The following HHAT variants were observed in gnomAD, a reference collection of about 807,000 sequenced individuals.
The protein encoded by HHAT is protein-cysteine N-palmitoyltransferase HHAT.
In HHAT, 47 loss-of-function variants were observed where a neutral mutation model predicts 70.8. The ratio of observed to expected loss-of-function variants is 0.66; its 90% CI spans 0.53 to 0.85. The LOEUF (loss-of-function observed/expected upper bound fraction) is 0.85. Among genes scored for constraint, HHAT ranks in the 40% least tolerant of loss-of-function variants. The pLI is 0.00. For synonymous variants in HHAT, 228 were observed against 247.6 expected (o/e 0.92, Z 0.74); for missense variants, 609 against 604.8 (o/e 1.01, Z -0.07).
intron 4 of HHAT, 133 bp downstream of exon 4, chr1:210,387,714 A>C (rs2091189514): frequency 1.2e-5 from 8 of 645,572 alleles, no homozygotes. Context: ...AGTTGTTAAC[A>C]ATCAATATAA....
intron 9 of HHAT, among the ~76,000 whole-genome samples, chr1:210,515,757 CAAAAAAA>C (rs34971563): frequency 2.5e-5 from 2 of 80,316 alleles, no homozygotes; most frequent in Non-Finnish European, 4.7e-5. Context: ...GACTCCGTCT[CAAAAAAA>C]AAAAAAAAAA....
chr1:210,650,294 A>T (rs1189096039), intron 11 of HHAT, among the ~76,000 whole-genome samples: 1 of 152,230 alleles, frequency 6.6e-6, no homozygotes, highest in South Asian at 2.1e-4. Flanking sequence ...GTTGGTTTAC[A>T]GAGCTAACAA....
At chr1:210,425,646 G>C (rs576261002) in intron 7 of HHAT, among the ~76,000 whole-genome samples, 1 of 152,174 alleles carries the variant, frequency 6.6e-6, no homozygotes, top group Admixed American at 6.5e-5. Flanking sequence ...AGTTCATATA[G>C]TTGTACATGT....
chr1:210,608,708 A>G (rs1666000958), intron 10 of HHAT, among the ~76,000 whole-genome samples: 1 of 152,294 alleles, frequency 6.6e-6, no homozygotes, highest in African/African-American at 2.4e-5. Context: ...GAGACAGGGT[A>G]ATTTATGAAG....
intron 3 of HHAT, among the ~76,000 whole-genome samples, chr1:210,373,278 G>A (rs897586586): frequency 6.6e-5 from 10 of 152,116 alleles, no homozygotes; most frequent in African/African-American, 1.4e-4. Context: ...GAATAGTGGC[G>A]GGATCTGAAA....
intron 11 of HHAT, among the ~76,000 whole-genome samples, chr1:210,642,374 A>G (rs1033553376): frequency 3.3e-5 from 5 of 152,196 alleles, no homozygotes; most frequent in Admixed American, 2.6e-4. Context: ...TGTTGAGTAT[A>G]TACTCAGGAA....
chr1:210,475,410 T>C (rs561192483), intron 8 of HHAT, among the ~76,000 whole-genome samples: 2 of 152,316 alleles, frequency 1.3e-5, no homozygotes, highest in Non-Finnish European at 1.5e-5. Flanking sequence ...TATTGTGATA[T>C]GATCACCCTG....
At chr1:210,345,932 T>G (rs1452975534) in intron 1 of HHAT, among the ~76,000 whole-genome samples, 1 of 151,188 alleles carries the variant, frequency 6.6e-6, no homozygotes, top group East Asian at 1.9e-4. Flanking sequence ...GGCATTGTGG[T>G]GCATGCCTGT....
At position 210,429,786 on chromosome 1, in the gene HHAT, G is replaced by A. The variant is rs562759249; in HGVS notation, c.856+11461G>A. On this transcript the variant is annotated intron_variant, in intron 7 of 11. Coordinates refer to ENST00000261458, the MANE Select transcript of HHAT (RefSeq NM_018194.6). ...TTGCAATTAGCAAGCAACATGTGAGGTGTTAATTCAGTGCTATCTGAATAT... is the reference window on the plus strand; with the variant it reads ...TTGCAATTAGCAAGCAACATGTGAGATGTTAATTCAGTGCTATCTGAATAT... 5.9e-5 allele frequency among the ~76,000 whole-genome samples: 9 copies of A among 151,856 alleles called. 1 individual carries two copies. Among genetic ancestry groups the A allele is most frequent in the East Asian group, 1.9e-4 (1 of 5,182 alleles).
intron 9 of HHAT, among the ~76,000 whole-genome samples, chr1:210,554,371 A>C (rs2095554417): frequency 6.6e-6 from 1 of 152,084 alleles, no homozygotes; most frequent in Non-Finnish European, 1.5e-5. Flanking sequence ...TTGAAGATGA[A>C]CTTTGGTGGG....
chr1:210,616,529 C>T (rs752165831), intron 10 of HHAT, among the ~76,000 whole-genome samples: 4 of 152,250 alleles, frequency 2.6e-5, no homozygotes, highest in East Asian at 1.9e-4. Context: ...CATTTGAAAT[C>T]GACAGTTGGT....
At chr1:210,513,512 C>CG (rs1299581864) in intron 9 of HHAT, among the ~76,000 whole-genome samples, 1 of 152,182 alleles carries the variant, frequency 6.6e-6, no homozygotes, top group African/African-American at 2.4e-5. Flanking sequence ...AAACAACCCC[C>CG]TTAACCAATT....
At chr1:210,544,875 T>C (rs893069471) in intron 9 of HHAT, among the ~76,000 whole-genome samples, 13 of 152,326 alleles carry the variant, frequency 8.5e-5, no homozygotes, top group African/African-American at 3.1e-4. Flanking sequence ...GCAGGAGTTA[T>C]CTCTGATACC....
At chr1:210,610,408 C>A in intron 10 of HHAT, among the ~76,000 whole-genome samples, 1 of 152,134 alleles carries the variant, frequency 6.6e-6, no homozygotes. Context: ...CTTATAGATG[C>A]TGGATAGTAG....
intron 6 of HHAT, among the ~76,000 whole-genome samples, chr1:210,409,373 A>G (rs1311167591): frequency 4.6e-5 from 7 of 152,126 alleles, no homozygotes; most frequent in Non-Finnish European, 1.0e-4. Flanking sequence ...CTGGAGGCTC[A>G]AGCAGGCTGA....
intron 8 of HHAT, 26 bp downstream of exon 8, chr1:210,464,681 G>A (rs761506283): frequency 5.0e-6 from 8 of 1,613,526 alleles, no homozygotes; most frequent in East Asian, 4.5e-5. Flanking sequence ...TGCTAAAGTT[G>A]GTCAGGCATG....
At chr1:210,509,621 A>G (rs939300794) in intron 8 of HHAT, among the ~76,000 whole-genome samples, 5 of 152,106 alleles carry the variant, frequency 3.3e-5, no homozygotes, top group African/African-American at 1.2e-4. Flanking sequence ...TGTGTGTAGA[A>G]TGGATGAGTG....
At chr1:210,455,103 G>C (rs2093835348) in intron 7 of HHAT, among the ~76,000 whole-genome samples, 1 of 152,150 alleles carries the variant, frequency 6.6e-6, no homozygotes, top group African/African-American at 2.4e-5. Context: ...AGCTCTTTCT[G>C]GGGCTGACTC....
At position 210,386,230 on chromosome 1, in the gene HHAT, C is replaced by CTTTTTTTTTTTTTTTTTTTT. The variant is rs869305965; in HGVS notation, c.160-1231_160-1212dup. Among the ~76,000 whole-genome samples the CTTTTTTTTTTTTTTTTTTTT allele has an allele frequency of 5.7e-4, 40 of 69,920 alleles. 2 individuals are homozygous for CTTTTTTTTTTTTTTTTTTTT. The highest frequency in any genetic ancestry group is 2.1e-3 in the African/African-American group (33 of 16,042). The allele number at this position is 69,920 out of a possible 152,430, so 45.9% of individuals were successfully genotyped here. A position where few individuals can be genotyped will look rare whatever the true frequency, so the allele number is the denominator to read the frequency against. On this transcript the variant is annotated intron_variant, in intron 3 of 11. Transcript: ENST00000261458. ...ATTGCAGGAGTCCTTTTCTTTTTTTCTTTTTTTTTTTTTTTTTTTTTTTTT... is the reference window on the plus strand; with the variant it reads ...ATTGCAGGAGTCCTTTTCTTTTTTTCTTTTTTTTTTTTTTTTTTTTTTTTTTTTTTTTTTTTTTTTTTTTT...
Sources: gnomAD v4.1 joint callset for allele counts (sites outside exome capture counted in the v4.1 genomes callset) on GRCh38, gnomAD v4.1.1 for gene constraint, MANE v1.5 for transcripts, NCBI Gene and HGNC (gene_info 2026-07-23, HGNC 2026-07-21) for gene names.